The following TENM2 variants were observed in gnomAD, a reference collection of about 807,000 sequenced individuals.
TENM2 encodes the protein teneurin transmembrane protein 2.
In TENM2, 52 loss-of-function variants were observed where a neutral mutation model predicts 245.2. That is an observed-to-expected ratio of 0.21 (90% confidence interval 0.17 to 0.27). TENM2 has a LOEUF of 0.27. Among genes scored for constraint, TENM2 ranks in the 10% least tolerant of loss-of-function variants. The probability of loss-of-function intolerance (pLI) is 1.00; values close to 1 mark genes in which losing one functional copy is unlikely to be tolerated. For synonymous variants in TENM2, 1,363 were observed against 1,438.9 expected, an observed-to-expected ratio of 0.95 and a Z score of 1.19; for missense variants, 3,046 against 3,666.8, an observed-to-expected ratio of 0.83 and a Z score of 4.37.
chr5:167,095,819 G>A, the TENM2 span, among the ~76,000 whole-genome samples: 6 of 148,610 alleles, frequency 4.0e-5, no homozygotes, highest in South Asian at 2.1e-4. Context: ...TGTCCAGACT[G>A]GAGTGCAATG....
chr5:167,561,615 A>G (rs1019996694), intron 2 of TENM2, among the ~76,000 whole-genome samples: 2 of 152,228 alleles, frequency 1.3e-5, no homozygotes, highest in Non-Finnish European at 2.9e-5. Context: ...AGATGCTGCA[A>G]GAGCTCCCAA....
chr5:167,143,212 A>T, the TENM2 span, among the ~76,000 whole-genome samples: 1 of 152,232 alleles, frequency 6.6e-6, no homozygotes, highest in Admixed American at 6.5e-5. Flanking sequence ...GACCACAATG[A>T]GGCTTCGATA....
the TENM2 span, among the ~76,000 whole-genome samples, chr5:167,108,546 C>T: frequency 7.2e-5 from 11 of 152,206 alleles, no homozygotes; most frequent in East Asian, 5.8e-4. Context: ...TAACATTATA[C>T]GGTAACTATC....
At chr5:167,717,607 T>C (rs902745277) in intron 2 of TENM2, among the ~76,000 whole-genome samples, 11 of 152,194 alleles carry the variant, frequency 7.2e-5, no homozygotes, top group African/African-American at 2.7e-4. Context: ...AATTAATTTT[T>C]TTTGGCTTCT....
At chr5:168,139,469 G>T in intron 12 of TENM2, 1 of 456,366 alleles carries the variant, frequency 2.2e-6, no homozygotes, top group Non-Finnish European at 4.4e-6. Context: ...GGAAAACTTT[G>T]AGCTTTTAAG....
chr5:167,585,688 T>C (rs1218651888), intron 2 of TENM2, among the ~76,000 whole-genome samples: 1 of 152,166 alleles, frequency 6.6e-6, no homozygotes, highest in African/African-American at 2.4e-5. Context: ...AGAGTCATGC[T>C]AGAAGTTATT....
At chr5:167,748,689 A>T (rs1761752886) in intron 2 of TENM2, among the ~76,000 whole-genome samples, 1 of 152,112 alleles carries the variant, frequency 6.6e-6, no homozygotes. Flanking sequence ...ACTTACAATC[A>T]TGACAGAAGG....
chr5:168,155,892 TAAAAAAAAAAAAAAA>T (rs55977607), intron 12 of TENM2, among the ~76,000 whole-genome samples: 83 of 96,934 alleles, frequency 8.6e-4, no homozygotes, highest in African/African-American at 1.8e-3. Flanking sequence ...CTGGCATCTG[TAAAAAAAAAAAAAAA>T]AAAAAAAAAA....
chr5:167,128,289 G>A, the TENM2 span, among the ~76,000 whole-genome samples: 3 of 152,172 alleles, frequency 2.0e-5, no homozygotes, highest in South Asian at 2.1e-4. Context: ...GCCATGAACC[G>A]ACCTCAGTTT....
chr5:167,984,674 T>C (rs1783100001), intron 4 of TENM2, among the ~76,000 whole-genome samples: 1 of 152,138 alleles, frequency 6.6e-6, no homozygotes, highest in Non-Finnish European at 1.5e-5. Flanking sequence ...AAAAATTATA[T>C]GCTTGTTTTT....
At chr5:167,099,593 G>A in the TENM2 span, among the ~76,000 whole-genome samples, 2 of 152,190 alleles carry the variant, frequency 1.3e-5, no homozygotes, top group Non-Finnish European at 2.9e-5. Flanking sequence ...TACTTGGGAG[G>A]CTGAGACAGG....
chr5:167,665,505 A>T (rs1582692798), intron 2 of TENM2, among the ~76,000 whole-genome samples: 1 of 152,304 alleles, frequency 6.6e-6, no homozygotes, highest in South Asian at 2.1e-4. Context: ...AGTATGTACT[A>T]AATAAATCAC....
chr5:167,437,572 A>G (rs1764636546), intron 2 of TENM2, among the ~76,000 whole-genome samples: 1 of 152,056 alleles, frequency 6.6e-6, no homozygotes, highest in African/African-American at 2.4e-5. Context: ...AGGACATGAA[A>G]TTTGGGAGTG....
At position 167,292,948 on chromosome 5, in the gene TENM2, A is replaced by G. The variant is rs145857773; in HGVS notation, c.226+7885A>G. On this transcript the variant is annotated intron_variant, in intron 1 of 28. Transcript: ENST00000518659. ...TCAGGCAAGAGTCATGGCATGTGCAAAGGCCCAGAGGTGACTACATTTTGT... is the reference window on the plus strand; with the variant it reads ...TCAGGCAAGAGTCATGGCATGTGCAGAGGCCCAGAGGTGACTACATTTTGT... 2.2e-3 allele frequency among the ~76,000 whole-genome samples: 331 copies of G among 152,302 alleles called. 2 individuals carry two copies. Among genetic ancestry groups the G allele is most frequent in the African/African-American group, 7.6e-3 (317 of 41,570 alleles).
intron 2 of TENM2, among the ~76,000 whole-genome samples, chr5:167,739,573 G>A (rs1242953373): frequency 6.6e-6 from 1 of 152,160 alleles, no homozygotes; most frequent in Non-Finnish European, 1.5e-5. Context: ...CTTGCTGGCA[G>A]GGAGCAAGTC....
rs1430735249 is a variant in TENM2, at chr5:167,584,687, T to C, written c.502+209214T>C. ...ATTCTCCCGCCTCACACCTAAGCTTTCTTTACTTTTCTTTTTTTTTTTTTT... is the reference window on the plus strand; with the variant it reads ...ATTCTCCCGCCTCACACCTAAGCTTCCTTTACTTTTCTTTTTTTTTTTTTT... On this transcript the variant is annotated intron_variant, in intron 2 of 28. Coordinates refer to ENST00000518659, the Ensembl canonical transcript of TENM2. Among the ~76,000 whole-genome samples the C allele has an allele frequency of 7.9e-5, 11 of 139,048 alleles. No homozygotes were observed. In the Admixed American group the frequency reaches 9.0e-4, roughly 11 times the overall value. 91.2% of individuals were successfully genotyped at this position (139,048 alleles called of 152,430 possible). A position where few individuals can be genotyped will look rare whatever the true frequency, so the allele number is the denominator to read the frequency against.
chr5:168,024,412 C>T (rs952777433), intron 5 of TENM2, among the ~76,000 whole-genome samples: 8 of 152,124 alleles, frequency 5.3e-5, no homozygotes, highest in African/African-American at 9.7e-5. Flanking sequence ...GTTCTGAATC[C>T]GAAATCTCAA....
exon 27 of TENM2, chr5:168,246,784 C>A (rs141225541): frequency 1.2e-6 from 2 of 1,613,932 alleles, no homozygotes; most frequent in Admixed American, 1.7e-5. Flanking sequence ...TCAGAGCCAA[C>A]GTCAGTATAT....
chr5:167,374,170 A>C (rs1306153059), intron 1 of TENM2, among the ~76,000 whole-genome samples: 1 of 152,224 alleles, frequency 6.6e-6, no homozygotes, highest in Non-Finnish European at 1.5e-5. Flanking sequence ...CCACATATAC[A>C]ACATGGTCTT....
Sources: gnomAD v4.1 joint callset for allele counts (sites outside exome capture counted in the v4.1 genomes callset) on GRCh38, gnomAD v4.1.1 for gene constraint, MANE v1.5 for transcripts, NCBI Gene and HGNC (gene_info 2026-07-23, HGNC 2026-07-21) for gene names.